The following COL21A1 variants were observed in gnomAD, a reference collection of about 807,000 sequenced individuals.
COL21A1 encodes collagen alpha-1(XXI) chain.
Under a neutral mutation model 137.9 loss-of-function variants are expected in COL21A1, and 149 were observed. That is an observed-to-expected ratio of 1.08 (90% CI 0.95 to 1.24). The LOEUF (loss-of-function observed/expected upper bound fraction) is 1.24, where lower values mean the gene tolerates loss of function less well. COL21A1 is among the 50% of genes most tolerant of loss of function. The pLI is 0.00. For synonymous variants in COL21A1, 456 were observed against 391.5 expected (o/e 1.16, Z -1.95); for missense variants, 1,167 against 1,158.4 (o/e 1.01, Z -0.11).
chr6:56,305,155 A>G (rs2152338224), intron 1 of COL21A1, among the ~76,000 whole-genome samples: 1 of 152,276 alleles, frequency 6.6e-6, no homozygotes, highest in South Asian at 2.1e-4. Flanking sequence ...ACTTCCAACT[A>G]TGTGGTCAAT....
intron 19 of COL21A1, among the ~76,000 whole-genome samples, chr6:56,074,983 G>GT (rs1031635237): frequency 4.2e-5 from 6 of 143,644 alleles, no homozygotes; most frequent in Non-Finnish European, 7.6e-5. Flanking sequence ...TTAAAATTTG[G>GT]GGGGGGATTC....
chr6:56,082,717 T>TTAAC (rs1357831309), intron 17 of COL21A1, among the ~76,000 whole-genome samples: 2 of 151,758 alleles, frequency 1.3e-5, no homozygotes, highest in Non-Finnish European at 1.5e-5. Flanking sequence ...TAAAGCACCA[T>TTAAC]TAACCATCCC....
At chr6:56,301,296 T>G (rs1167741583) in intron 1 of COL21A1, among the ~76,000 whole-genome samples, 4 of 152,138 alleles carry the variant, frequency 2.6e-5, no homozygotes, top group African/African-American at 9.7e-5. Flanking sequence ...GAAAGAAATT[T>G]GAAGATGCTA....
At chr6:56,288,134 T>C (rs959007366) in intron 1 of COL21A1, among the ~76,000 whole-genome samples, 45 of 151,986 alleles carry the variant, frequency 3.0e-4, no homozygotes, top group African/African-American at 1.1e-3. Flanking sequence ...AGGAAGCTAA[T>C]ACAGGTCCCC....
chr6:56,065,399 C>G (rs1306511467), intron 23 of COL21A1, among the ~76,000 whole-genome samples: 1 of 151,968 alleles, frequency 6.6e-6, no homozygotes. Flanking sequence ...CACTTAGGGA[C>G]ACTGAAACAA....
chr6:56,097,989 ATATG>A (rs528750658), intron 17 of COL21A1, among the ~76,000 whole-genome samples: 3 of 33,282 alleles, frequency 9.0e-5, no homozygotes, highest in African/African-American at 4.6e-4. Context: ...ATATAAATAT[ATATG>A]TAAATATATA....
At chr6:56,080,492 C>CTAT (rs2114148363) in intron 17 of COL21A1, among the ~76,000 whole-genome samples, 1 of 151,884 alleles carries the variant, frequency 6.6e-6, no homozygotes, top group South Asian at 2.1e-4. Flanking sequence ...GGTTTGACTT[C>CTAT]TATTTCCTAG....
intron 1 of COL21A1, among the ~76,000 whole-genome samples, chr6:56,325,002 T>G (rs10755782): frequency 0.99 from 149,071 of 151,210 alleles, 73,512 homozygotes; most frequent in Middle Eastern, 1. Flanking sequence ...TTGCCAAGTT[T>G]CTCCTAGTTT....
chr6:56,331,270 A>G (rs888404033), intron 1 of COL21A1, among the ~76,000 whole-genome samples: 1 of 150,312 alleles, frequency 6.7e-6, no homozygotes, highest in Non-Finnish European at 1.5e-5. Flanking sequence ...TTTTCTGTGT[A>G]GAAGCTTTTC....
chr6:56,271,613 G>A (rs1287152402), intron 1 of COL21A1, among the ~76,000 whole-genome samples: 7 of 152,214 alleles, frequency 4.6e-5, no homozygotes, highest in Non-Finnish European at 8.8e-5. Flanking sequence ...TGAATATTAA[G>A]AGTCAAGAGA....
At chr6:56,205,282 G>A (rs1057392695) in intron 1 of COL21A1, among the ~76,000 whole-genome samples, 6 of 152,136 alleles carry the variant, frequency 3.9e-5, no homozygotes, top group African/African-American at 1.2e-4. Flanking sequence ...GTTTAGAGAA[G>A]AACATAAGTG....
intron 1 of COL21A1, among the ~76,000 whole-genome samples, chr6:56,286,968 A>T (rs1055382773): frequency 4.6e-5 from 7 of 152,224 alleles, no homozygotes; most frequent in Non-Finnish European, 7.3e-5. Context: ...TTATTTGAAG[A>T]TAACACTGAT....
At chr6:56,256,097 C>T (rs974836743) in intron 1 of COL21A1, among the ~76,000 whole-genome samples, 5 of 152,276 alleles carry the variant, frequency 3.3e-5, no homozygotes, top group Admixed American at 3.3e-4. Context: ...TTAGTTGAGA[C>T]GTTAGCCCAT....
intron 1 of COL21A1, among the ~76,000 whole-genome samples, chr6:56,282,499 G>A (rs927046846): frequency 6.6e-6 from 1 of 152,318 alleles, no homozygotes; most frequent in Admixed American, 6.5e-5. Context: ...TCAGTCAGAT[G>A]AAGAGGCCTG....
rs1378210643 is a variant in COL21A1 at position 56,164,349 on chromosome 6, G to C, written c.1371+74C>G. ...GAAATTTCTCAACAGGATCAATGGT[G>C]ATTAGGAATTGTATGGTTTACCCAG... On this transcript the variant is annotated intron_variant, in intron 9 of 29. Coordinates refer to ENST00000244728, the MANE Select transcript of COL21A1 (RefSeq NM_030820.4). 4 of 954,458 alleles carry C rather than the reference G, an allele frequency of 4.2e-6. No individual in the cohort carries two copies. In the African/African-American group the frequency reaches 4.9e-5, roughly 12 times the overall value. 59.1% of individuals were successfully genotyped at this position (954,458 alleles called of 1,614,324 possible). A position where few individuals can be genotyped will look rare whatever the true frequency, so the allele number is the denominator to read the frequency against.
At chr6:56,210,324 C>T (rs866767681) in intron 1 of COL21A1, among the ~76,000 whole-genome samples, 5 of 152,020 alleles carry the variant, frequency 3.3e-5, no homozygotes, top group Admixed American at 1.3e-4. Context: ...TAAGAAAACA[C>T]GATGGGTCAC....
chr6:56,183,092 T>G (rs936295372), intron 1 of COL21A1, among the ~76,000 whole-genome samples: 9 of 152,196 alleles, frequency 5.9e-5, no homozygotes, highest in African/African-American at 1.4e-4. Flanking sequence ...GAATTTAATT[T>G]TTAAAATAAG....
Position 56,098,674 on chromosome 6 carries a change from T to A in COL21A1, c.1812+2798A>T, listed in dbSNP as rs1444750806. Among the ~76,000 whole-genome samples, 10 of 76,546 alleles carry A rather than the reference T, an allele frequency of 1.3e-4. 1 individual carries two copies. The highest frequency in any genetic ancestry group is 1.1e-3 in the South Asian group (3 of 2,752). The allele number at this position is 76,546 out of a possible 152,430, so 50.2% of individuals were successfully genotyped here. ...ATATATAAATATATATAAATATATA[T>A]ATAAATATATATAAATATATAAATA... On this transcript the variant is annotated intron_variant, in intron 17 of 29. Coordinates refer to ENST00000244728, the MANE Select transcript of COL21A1 (RefSeq NM_030820.4).
intron 1 of COL21A1, among the ~76,000 whole-genome samples, chr6:56,349,954 G>A (rs1302208378): frequency 6.6e-6 from 1 of 152,144 alleles, no homozygotes; most frequent in African/African-American, 2.4e-5. Context: ...GGGCTGATGT[G>A]AACTCTGTTG....
Sources: gnomAD v4.1 joint callset for allele counts (sites outside exome capture counted in the v4.1 genomes callset) on GRCh38, gnomAD v4.1.1 for gene constraint, MANE v1.5 for transcripts, NCBI Gene and HGNC (gene_info 2026-07-23, HGNC 2026-07-21) for gene names.